The following CDK13 variants were observed in gnomAD, a reference collection of about 807,000 sequenced individuals.
CDK13 encodes the protein cyclin-dependent kinase 13.
A neutral mutation model predicts 137.6 loss-of-function variants in CDK13; 40 were observed. The ratio of observed to expected loss-of-function variants is 0.29; its 90% CI spans 0.23 to 0.38. The LOEUF (loss-of-function observed/expected upper bound fraction) is 0.38, where lower values mean the gene tolerates loss of function less well. Among genes scored for constraint, CDK13 ranks in the 10% least tolerant of loss-of-function variants. The pLI, the probability that CDK13 is intolerant of heterozygous loss-of-function variation, is 1.00. For synonymous variants in CDK13, 869 were observed against 760.1 expected (o/e 1.14, Z -2.36); for missense variants, 1,704 against 1,951.8 (o/e 0.87, Z 2.39).
chr7:40,042,063 G>A (rs1413413703), intron 5 of CDK13, among the ~76,000 whole-genome samples: 1 of 151,968 alleles, frequency 6.6e-6, no homozygotes, highest in Non-Finnish European at 1.5e-5. Context: ...TTTCTGTTGT[G>A]GGATTGGTAT....
intron 5 of CDK13, among the ~76,000 whole-genome samples, chr7:40,006,495 ATTAAACATTTTAGTGCTG>A (rs1784798462): frequency 6.6e-6 from 1 of 152,242 alleles, no homozygotes; most frequent in African/African-American, 2.4e-5. Flanking sequence ...TTAATTAAAT[ATTAAACATTTTAGTGCTG>A]TTTATAATTC....
rs1787119524 is a variant in CDK13, at chr7:39,950,628, G to A, written c.-14G>A. On this transcript the variant is annotated 5_prime_UTR_variant, in exon 1 of 14. Coordinates refer to ENST00000181839, the MANE Select transcript of CDK13 (RefSeq NM_003718.5). ...GGCCGCACCCGCGCCGCGCTCTGCG[G>A]CTGGCTCTAGGCGATGCCGAGCAGC... 2 of 1,291,396 alleles carry A rather than the reference G, an allele frequency of 1.5e-6. No individual in the cohort carries two copies. Among genetic ancestry groups the A allele is most frequent in the Admixed American group, 4.2e-5 (1 of 23,922 alleles). 80.0% of individuals were successfully genotyped at this position (1,291,396 alleles called of 1,614,324 possible).
At chr7:40,089,723 AGTGTGT>A (rs142023627) in intron 12 of CDK13, among the ~76,000 whole-genome samples, 12 of 125,228 alleles carry the variant, frequency 9.6e-5, no homozygotes, top group East Asian at 4.1e-4. Context: ...AGAGAGAGAG[AGTGTGT>A]GTGTGTGTGT....
At chr7:40,030,166 T>A (rs1236038168) in intron 5 of CDK13, among the ~76,000 whole-genome samples, 3 of 152,090 alleles carry the variant, frequency 2.0e-5, no homozygotes, top group Non-Finnish European at 4.4e-5. Flanking sequence ...CACTATACAC[T>A]ATATCTTTTC....
chr7:40,070,066 C>CAAAAAAAAA (rs70996878), intron 9 of CDK13: 7 of 44,772 alleles, frequency 1.6e-4, no homozygotes, highest in Non-Finnish European at 1.5e-4. Context: ...ACCAAAACTA[C>CAAAAAAAAA]AAAAAAAAAA....
At chr7:39,958,692 TG>T (rs1032870738) in intron 1 of CDK13, among the ~76,000 whole-genome samples, 91 of 152,168 alleles carry the variant, frequency 6.0e-4, no homozygotes, top group Middle Eastern at 3.4e-3. Flanking sequence ...TTCTTAGTTT[TG>T]TTTTTTTTTT....
At chr7:40,005,626 A>G (rs1260378383) in intron 5 of CDK13, among the ~76,000 whole-genome samples, 1 of 152,130 alleles carries the variant, frequency 6.6e-6, no homozygotes, top group Non-Finnish European at 1.5e-5. Flanking sequence ...GTCTTAAAAA[A>G]GGAATTATTC....
intron 4 of CDK13, among the ~76,000 whole-genome samples, chr7:40,000,537 T>C (rs773397): frequency 0.49 from 74,498 of 152,028 alleles, 19,256 homozygotes; most frequent in East Asian, 0.66. Flanking sequence ...AACGAGACTC[T>C]GTCTCAAAGA....
intron 7 of CDK13, chr7:40,048,571 A>G (rs991750141): frequency 6.6e-6 from 1 of 152,140 alleles, no homozygotes; most frequent in Admixed American, 6.5e-5. Context: ...ATATGTGTAT[A>G]TATATATCTG....
At chr7:40,083,640 G>C (rs764756551) in intron 11 of CDK13, among the ~76,000 whole-genome samples, 3 of 152,088 alleles carry the variant, frequency 2.0e-5, no homozygotes, top group Non-Finnish European at 2.9e-5. Context: ...CATAAACTGT[G>C]TCCTTATTGT....
Position 39,988,102 on chromosome 7 carries a change from CTACAAAGGA to C in CDK13, c.1716_1724del (p.Thr573_Glu575del). 5 of 1,613,934 alleles carry C rather than the reference CTACAAAGGA, an allele frequency of 3.1e-6. No individual in the cohort carries two copies. Among genetic ancestry groups the C allele is most frequent in the Non-Finnish European group, 4.2e-6 (5 of 1,179,978 alleles). ...GTTGGAAAGGAGAGTAAATCTGCTG[CTACAAAGGA>C]GGAATCAGTATCTCTTAAAGAGAAA... On this transcript the variant is annotated inframe_deletion, in exon 2 of 14. Transcript: ENST00000181839.
chr7:39,969,491 T>C (rs2116178988), intron 1 of CDK13, among the ~76,000 whole-genome samples: 1 of 152,334 alleles, frequency 6.6e-6, no homozygotes, highest in Admixed American at 6.5e-5. Flanking sequence ...AACATTTGAG[T>C]ACAGGTCTTT....
intron 1 of CDK13, among the ~76,000 whole-genome samples, chr7:39,970,121 C>T (rs1462670362): frequency 6.6e-6 from 1 of 151,482 alleles, no homozygotes; most frequent in Non-Finnish European, 1.5e-5. Context: ...TCTCGTGTCT[C>T]AGCCTCCTGA....
At chr7:39,996,911 C>T (rs1679435662) in intron 2 of CDK13, among the ~76,000 whole-genome samples, 1 of 136,898 alleles carries the variant, frequency 7.3e-6, no homozygotes. Context: ...TTGCAGTGAG[C>T]CAGGATCTTG....
intron 7 of CDK13, among the ~76,000 whole-genome samples, chr7:40,049,709 A>G (rs373513105): frequency 6.6e-5 from 10 of 152,088 alleles, no homozygotes; most frequent in African/African-American, 2.4e-4. Flanking sequence ...CTGAACTTTT[A>G]TATCCTTAGG....
chr7:40,021,908 G>C (rs1010146856), intron 5 of CDK13, among the ~76,000 whole-genome samples: 4 of 152,124 alleles, frequency 2.6e-5, no homozygotes, highest in Non-Finnish European at 5.9e-5. Flanking sequence ...TATTTATCAA[G>C]GTATATTTAT....
chr7:39,990,961 T>A (rs542943118), intron 2 of CDK13, among the ~76,000 whole-genome samples: 2 of 152,366 alleles, frequency 1.3e-5, no homozygotes, highest in South Asian at 4.1e-4. Flanking sequence ...CATTGTATAA[T>A]ATATAAACCA....
intron 1 of CDK13, among the ~76,000 whole-genome samples, chr7:39,972,925 A>T (rs1235893579): frequency 6.6e-6 from 1 of 152,198 alleles, no homozygotes; most frequent in African/African-American, 2.4e-5. Flanking sequence ...TCAGCAACAT[A>T]TGAGGGTTCC....
At chr7:39,987,474 A>G (rs1190942579) in intron 1 of CDK13, 125 bp from the exon 2 acceptor site, 8 of 874,084 alleles carry the variant, frequency 9.2e-6, no homozygotes, top group Non-Finnish European at 9.9e-6. Flanking sequence ...CAAAACTTCA[A>G]AAATGTAACT....
Sources: gnomAD v4.1 joint callset for allele counts (sites outside exome capture counted in the v4.1 genomes callset) on GRCh38, gnomAD v4.1.1 for gene constraint, MANE v1.5 for transcripts, NCBI Gene and HGNC (gene_info 2026-07-23, HGNC 2026-07-21) for gene names.